Variants in MAML3 observed in about 807,000 individuals in gnomAD.
The protein encoded by MAML3 is mastermind-like protein 3.
A neutral mutation model predicts 101.9 loss-of-function variants in MAML3; 27 were observed. The observed-to-expected ratio is 0.27, with a 90% CI of 0.20 to 0.37. The LOEUF (loss-of-function observed/expected upper bound fraction) is 0.37. MAML3 is among the 10% of genes least tolerant of loss of function. MAML3 has a pLI of 1.00. For missense variants in MAML3, 1,316 were observed against 1,444.9 expected (o/e 0.91, Z 1.45); for synonymous variants, 501 against 555.9 (o/e 0.90, Z 1.39).
intron 1 of MAML3, among the ~76,000 whole-genome samples, chr4:139,917,306 T>C (rs963276564): frequency 6.6e-6 from 1 of 152,194 alleles, no homozygotes; most frequent in Non-Finnish European, 1.5e-5. Flanking sequence ...GCATTAAATG[T>C]ATGTATGTTC....
At chr4:140,117,617 A>G (rs574715505) in intron 1 of MAML3, among the ~76,000 whole-genome samples, 2 of 151,278 alleles carry the variant, frequency 1.3e-5, no homozygotes, top group East Asian at 3.9e-4. Flanking sequence ...AAAAATATAT[A>G]AATATATATG....
rs1218762235 is a variant in MAML3, at chr4:139,735,855, G to A, written c.2080-5188C>T. Among the ~76,000 whole-genome samples, 6 of 152,014 alleles carry A rather than the reference G, an allele frequency of 3.9e-5. No homozygotes were observed. The East Asian group carries it at 1.2e-3, about 29-fold the overall frequency. ...CGAGGCGGTCCCGGGCGCGGGCAGGGGCGGTGCGGCGGCGCTCGGGAGACC... is the reference window on the plus strand; with the variant it reads ...CGAGGCGGTCCCGGGCGCGGGCAGGAGCGGTGCGGCGGCGCTCGGGAGACC... On this transcript the variant is annotated intron_variant, in intron 2 of 4. Transcript: ENST00000509479. The surrounding 1 kb of genome is among the most constrained non-coding windows in gnomAD (Gnocchi z 5.8).
At chr4:140,004,608 G>A (rs1456103211) in intron 1 of MAML3, among the ~76,000 whole-genome samples, 1 of 152,122 alleles carries the variant, frequency 6.6e-6, no homozygotes, top group Non-Finnish European at 1.5e-5. Context: ...TTAGTGCAAC[G>A]GGCTGCGAGT....
At chr4:139,938,536 T>C (rs1240141739) in intron 1 of MAML3, among the ~76,000 whole-genome samples, 2 of 152,092 alleles carry the variant, frequency 1.3e-5, no homozygotes, top group African/African-American at 2.4e-5. Flanking sequence ...ACATAACATA[T>C]CATAATAGTG....
intron 1 of MAML3, among the ~76,000 whole-genome samples, chr4:140,009,842 T>C (rs922000036): frequency 2.0e-5 from 3 of 152,212 alleles, no homozygotes; most frequent in African/African-American, 7.2e-5. Flanking sequence ...AGGAATTTTA[T>C]CAGTTCAAGC....
intron 2 of MAML3, among the ~76,000 whole-genome samples, chr4:139,858,071 C>T (rs1731697156): frequency 6.6e-6 from 1 of 152,208 alleles, no homozygotes; most frequent in South Asian, 2.1e-4. Flanking sequence ...TGAGTATCTA[C>T]AATGTGACAG....
intron 1 of MAML3, among the ~76,000 whole-genome samples, chr4:139,961,794 C>A (rs1734019400): frequency 6.6e-6 from 1 of 152,074 alleles, no homozygotes; most frequent in South Asian, 2.1e-4. Flanking sequence ...AGTATAAGTA[C>A]ATTCCTAACC....
chr4:139,743,781 T>G (rs949525280), intron 2 of MAML3, among the ~76,000 whole-genome samples: 1 of 152,204 alleles, frequency 6.6e-6, no homozygotes, highest in African/African-American at 2.4e-5. Context: ...TAATCATATT[T>G]AGAAGCATAT....
At chr4:139,987,937 G>A (rs1418253706) in intron 1 of MAML3, among the ~76,000 whole-genome samples, 3 of 137,814 alleles carry the variant, frequency 2.2e-5, no homozygotes, top group Non-Finnish European at 3.0e-5. Flanking sequence ...CAGGAGAATC[G>A]CTTGAACTCA....
intron 2 of MAML3, among the ~76,000 whole-genome samples, chr4:139,808,383 G>A (rs922240707): frequency 9.9e-5 from 15 of 152,208 alleles, no homozygotes; most frequent in African/African-American, 3.6e-4. Flanking sequence ...ACCGCTGCAG[G>A]CACCATACCA....
intron 1 of MAML3, among the ~76,000 whole-genome samples, chr4:139,942,869 G>C (rs1733634177): frequency 1.3e-5 from 2 of 152,066 alleles, no homozygotes; most frequent in Non-Finnish European, 2.9e-5. Context: ...TTTTCAGGTT[G>C]ACAGGTTAAT....
chr4:139,800,391 C>A (rs148080390), intron 2 of MAML3, among the ~76,000 whole-genome samples: 1 of 152,296 alleles, frequency 6.6e-6, no homozygotes, highest in African/African-American at 2.4e-5. Context: ...CTTTCCAGGA[C>A]ATAAACTCCT....
At chr4:139,838,221 T>C (rs1731293828) in intron 2 of MAML3, among the ~76,000 whole-genome samples, 1 of 152,198 alleles carries the variant, frequency 6.6e-6, no homozygotes, top group Non-Finnish European at 1.5e-5. Flanking sequence ...AGATTTTCAT[T>C]TGGTCCCAAG....
chr4:139,959,276 C>T (rs886857525), intron 1 of MAML3, among the ~76,000 whole-genome samples: 3 of 152,158 alleles, frequency 2.0e-5, no homozygotes, highest in Non-Finnish European at 4.4e-5. Context: ...CCAGGTAGCC[C>T]ATAGATCAGT....
chr4:139,819,612 G>T lies in MAML3; in HGVS notation c.2079+69745C>A, dbSNP rs148727088. On this transcript the variant is annotated intron_variant, in intron 2 of 4. Transcript: ENST00000509479. The stretch of plus-strand genomic sequence containing the variant: ...TATTTTTTTCCAATTGGACTATACT[G>T]CCACCCGATAAGTGGTCACACGTAG... Among the ~76,000 whole-genome samples, 94 of 152,174 alleles carry T rather than the reference G, an allele frequency of 6.2e-4. No individual in the cohort carries two copies. In the East Asian group the frequency reaches 0.017, roughly 28 times the overall value.
chr4:139,737,634 A>G (rs1034108607), intron 2 of MAML3, among the ~76,000 whole-genome samples: 4 of 152,236 alleles, frequency 2.6e-5, no homozygotes, highest in African/African-American at 9.6e-5. Flanking sequence ...AAGAAAGGGC[A>G]TAAGATTAGA....
At chr4:139,777,949 A>T (rs1730122723) in intron 2 of MAML3, among the ~76,000 whole-genome samples, 1 of 151,830 alleles carries the variant, frequency 6.6e-6, no homozygotes, top group Admixed American at 6.6e-5. Flanking sequence ...TGGCTGGAAC[A>T]CTCTTGACCT....
intron 2 of MAML3, among the ~76,000 whole-genome samples, chr4:139,841,947 C>T (rs936500674): frequency 6.6e-6 from 1 of 152,188 alleles, no homozygotes. Context: ...TAGAGACAAC[C>T]GATGTCAGGA....
chr4:139,734,464 A>T (rs564576655), intron 2 of MAML3, among the ~76,000 whole-genome samples: 1 of 152,188 alleles, frequency 6.6e-6, no homozygotes, highest in Non-Finnish European at 1.5e-5. Flanking sequence ...CAAAAATCCA[A>T]CTGTGGCTAC....
Sources: gnomAD v4.1 joint callset for allele counts (sites outside exome capture counted in the v4.1 genomes callset) on GRCh38, gnomAD v4.1.1 for gene constraint, Gnocchi (gnomAD v3.1) non-coding constraint, MANE v1.5 for transcripts, NCBI Gene and HGNC (gene_info 2026-07-23, HGNC 2026-07-21) for gene names.